MLLT3: variants seen among roughly 807,000 people sequenced by gnomAD.
MLLT3 encodes the protein protein AF-9.
A neutral mutation model predicts 53.2 loss-of-function variants in MLLT3; 4 were observed. The observed-to-expected ratio is 0.08, with a 90% CI of 0.04 to 0.17. The LOEUF (loss-of-function observed/expected upper bound fraction) is 0.17, where lower values mean the gene tolerates loss of function less well. Among genes scored for constraint, MLLT3 ranks in the 10% least tolerant of loss-of-function variants. The probability of loss-of-function intolerance (pLI) is 1.00; values close to 1 mark genes in which losing one functional copy is unlikely to be tolerated. For missense variants in MLLT3, 569 were observed against 684.0 expected, an observed-to-expected ratio of 0.83 and a Z score of 1.87; for synonymous variants, 283 against 230.6, an observed-to-expected ratio of 1.23 and a Z score of -2.06.
At chr9:20,395,013 AATCTCCCCTAT>A (rs1822284500) in intron 5 of MLLT3, among the ~76,000 whole-genome samples, 2 of 152,220 alleles carry the variant, frequency 1.3e-5, no homozygotes, top group South Asian at 4.1e-4. Flanking sequence ...GAAAGGGCGT[AATCTCCCCTAT>A]GTTCAATGGT....
intron 2 of MLLT3, among the ~76,000 whole-genome samples, chr9:20,598,271 T>G (rs1820327263): frequency 6.6e-6 from 1 of 152,236 alleles, no homozygotes; most frequent in Non-Finnish European, 1.5e-5. Context: ...ATCTTCAATC[T>G]CTACTTACCA....
At chr9:20,512,482 G>C (rs1429058763) in intron 2 of MLLT3, among the ~76,000 whole-genome samples, 1 of 152,118 alleles carries the variant, frequency 6.6e-6, no homozygotes, top group Non-Finnish European at 1.5e-5. Flanking sequence ...AGAAACTTTG[G>C]GGGAAGAGTC....
At chr9:20,376,834 G>A (rs1174850363) in intron 5 of MLLT3, among the ~76,000 whole-genome samples, 2 of 152,196 alleles carry the variant, frequency 1.3e-5, no homozygotes, top group African/African-American at 2.4e-5. Context: ...TGTGTTCTAA[G>A]ATCACTGGCT....
intron 2 of MLLT3, among the ~76,000 whole-genome samples, chr9:20,498,227 CAAAAAAAAAAAAAAAAAAAAAA>C (rs529049653): frequency 1.5e-3 from 49 of 32,520 alleles, no homozygotes; most frequent in African/African-American, 3.0e-3. Context: ...GACGCTGTCT[CAAAAAAAAAAAAAAAAAAAAAA>C]AAAAAAAAAA....
At chr9:20,547,548 G>A (rs531686795) in intron 2 of MLLT3, among the ~76,000 whole-genome samples, 2 of 151,038 alleles carry the variant, frequency 1.3e-5, no homozygotes, top group Non-Finnish European at 2.9e-5. Flanking sequence ...GGAGGCTGAG[G>A]CAAGAGAATC....
chr9:20,504,720 A>T (rs1825343647), intron 2 of MLLT3, among the ~76,000 whole-genome samples: 1 of 152,126 alleles, frequency 6.6e-6, no homozygotes, highest in African/African-American at 2.4e-5. Context: ...GAAAAACATT[A>T]AGGGGATTTT....
At chr9:20,561,363 C>G (rs558327795) in intron 2 of MLLT3, among the ~76,000 whole-genome samples, 1 of 152,116 alleles carries the variant, frequency 6.6e-6, no homozygotes, top group Non-Finnish European at 1.5e-5. Context: ...AAGACTATCC[C>G]CAAAATAATT....
At chr9:20,499,536 A>G (rs1825165230) in intron 2 of MLLT3, among the ~76,000 whole-genome samples, 4 of 152,054 alleles carry the variant, frequency 2.6e-5, no homozygotes, top group Non-Finnish European at 5.9e-5. Context: ...ATAAGCTCTG[A>G]CCTCCTTGAA....
At chr9:20,482,732 G>T (rs1563779804) in intron 2 of MLLT3, among the ~76,000 whole-genome samples, 1 of 152,112 alleles carries the variant, frequency 6.6e-6, no homozygotes, top group African/African-American at 2.4e-5. Flanking sequence ...GGCATTAGCG[G>T]ATTGTTTTCA....
At chr9:20,543,760 AAAG>A (rs1256789070) in intron 2 of MLLT3, among the ~76,000 whole-genome samples, 2 of 151,832 alleles carry the variant, frequency 1.3e-5, no homozygotes, top group Non-Finnish European at 2.9e-5. Context: ...AAAGGAAGGA[AAAG>A]GAGGAGGAGG....
intron 5 of MLLT3, among the ~76,000 whole-genome samples, chr9:20,377,153 T>C (rs1821787670): frequency 6.6e-6 from 1 of 152,176 alleles, no homozygotes; most frequent in Non-Finnish European, 1.5e-5. Context: ...AGTTTCCTGA[T>C]AGAACTGGCC....
At chr9:20,532,490 T>C (rs1157439057) in intron 2 of MLLT3, 1 of 182,694 alleles carries the variant, frequency 5.5e-6, no homozygotes, top group East Asian at 1.3e-4. Flanking sequence ...TCATAAATTC[T>C]GTCCTAGGTC....
chr9:20,365,349 C>G (rs371960513), intron 6 of MLLT3, among the ~76,000 whole-genome samples: 12 of 151,312 alleles, frequency 7.9e-5, no homozygotes, highest in African/African-American at 2.4e-4. Context: ...GTTTTGTTTT[C>G]TTTTTTTTGA....
chr9:20,565,999 T>C (rs1449785361), intron 2 of MLLT3, among the ~76,000 whole-genome samples: 1 of 132,858 alleles, frequency 7.5e-6, no homozygotes, highest in Non-Finnish European at 1.6e-5. Flanking sequence ...TATATATTTA[T>C]TTATATATAT....
chr9:20,350,625 A>C (rs1300972919), intron 10 of MLLT3, among the ~76,000 whole-genome samples: 3 of 151,970 alleles, frequency 2.0e-5, no homozygotes, highest in Admixed American at 1.3e-4. Flanking sequence ...ACAGGCAACC[A>C]GGTACATATG....
chr9:20,543,516 CCT>C (rs1818698091), intron 2 of MLLT3, among the ~76,000 whole-genome samples: 1 of 152,126 alleles, frequency 6.6e-6, no homozygotes, highest in African/African-American at 2.4e-5. Flanking sequence ...GTGGCTCATG[CCT>C]CTAATCCCAG....
chr9:20,358,704 T>A (rs77692320), intron 8 of MLLT3, among the ~76,000 whole-genome samples: 1 of 152,076 alleles, frequency 6.6e-6, no homozygotes, highest in African/African-American at 2.4e-5. Flanking sequence ...TTCACTATGA[T>A]TGGGAGAGAT....
intron 9 of MLLT3, 21 bp downstream of exon 9, chr9:20,354,785 CTA>C: frequency 6.6e-7 from 1 of 1,521,142 alleles, no homozygotes; most frequent in Non-Finnish European, 9.1e-7. Context: ...TGGAGCCCTC[CTA>C]GTAACAGACT....
At chr9:20,559,172 G>A (rs1587068662) in intron 2 of MLLT3, among the ~76,000 whole-genome samples, 2 of 152,164 alleles carry the variant, frequency 1.3e-5, no homozygotes, top group African/African-American at 4.8e-5. Flanking sequence ...TTATATAAAA[G>A]TAAAGTTATA....
Sources: gnomAD v4.1 joint callset for allele counts (sites outside exome capture counted in the v4.1 genomes callset) on GRCh38, gnomAD v4.1.1 for gene constraint, MANE v1.5 for transcripts, NCBI Gene and HGNC (gene_info 2026-07-23, HGNC 2026-07-21) for gene names.